Variants in OSBPL10 observed in about 807,000 individuals in gnomAD.
The protein encoded by OSBPL10 is oxysterol-binding protein-related protein 10.
In OSBPL10, 49 loss-of-function variants were observed where a neutral mutation model predicts 81.7. The observed-to-expected ratio is 0.60, with a 90% CI of 0.48 to 0.76. The LOEUF (loss-of-function observed/expected upper bound fraction) is 0.76. Among genes scored for constraint, OSBPL10 ranks in the 30% least tolerant of loss-of-function variants. The pLI is 0.00. For missense variants in OSBPL10, 923 were observed against 987.8 expected, an observed-to-expected ratio of 0.93 and a Z score of 0.88; for synonymous variants, 419 against 383.6, an observed-to-expected ratio of 1.09 and a Z score of -1.08.
In OSBPL10 at chr3:31,678,087, C is replaced by CAAAAAAAA. The variant is rs1174037204; in HGVS notation, c.1726+5539_1726+5546dup. Among the ~76,000 whole-genome samples, 93 of 76,594 alleles carry CAAAAAAAA rather than the reference C, an allele frequency of 1.2e-3. 1 individual carries two copies. Among genetic ancestry groups the CAAAAAAAA allele is most frequent in the African/African-American group, 2.4e-3 (43 of 18,270 alleles). The allele number at this position is 76,594 out of a possible 152,430, so 50.2% of individuals were successfully genotyped here. A position where few individuals can be genotyped will look rare whatever the true frequency, so the allele number is the denominator to read the frequency against. ...TGGGCGACAGAGCGAGACTCCGTCT[C>CAAAAAAAA]AAAAAAAAAAAAAAAAAAAAAGACA... On this transcript the variant is annotated intron_variant, in intron 8 of 11. Coordinates refer to ENST00000396556, the MANE Select transcript of OSBPL10 (RefSeq NM_017784.5).
chr3:31,817,507 G>A (rs80345181), intron 4 of OSBPL10, among the ~76,000 whole-genome samples: 28,860 of 151,882 alleles, frequency 0.19, 2,834 homozygotes, highest in Middle Eastern at 0.23. Flanking sequence ...CTGCTCCGTG[G>A]AGCAGGAGGC....
intron 2 of OSBPL10, among the ~76,000 whole-genome samples, chr3:32,009,618 T>C (rs1699233633): frequency 6.6e-6 from 1 of 152,204 alleles, no homozygotes; most frequent in African/African-American, 2.4e-5. Flanking sequence ...TGATATTATA[T>C]ATAAAATCAG....
At chr3:31,792,860 CTGTGTGTGTGTGTGTGTGTGTGTGTGTG>C (rs6147757) in intron 4 of OSBPL10, among the ~76,000 whole-genome samples, 18 of 126,648 alleles carry the variant, frequency 1.4e-4, no homozygotes, top group Non-Finnish European at 6.5e-5. Context: ...TCTAGGCACT[CTGTGTGTGTGTGTGTGTGTGTGTGTGTG>C]TGTGTGTGTG....
chr3:31,942,732 C>T (rs764487115), intron 1 of OSBPL10, among the ~76,000 whole-genome samples: 1 of 151,908 alleles, frequency 6.6e-6, no homozygotes, highest in Non-Finnish European at 1.5e-5. Flanking sequence ...GATAAATGAA[C>T]CAAAAAGTGA....
At chr3:31,827,299 C>T (rs190691933) in intron 4 of OSBPL10, among the ~76,000 whole-genome samples, 32 of 151,058 alleles carry the variant, frequency 2.1e-4, no homozygotes, top group African/African-American at 6.4e-4. Context: ...AAAAACAATA[C>T]GATAAAGGAA....
At position 31,776,402 on chromosome 3, in the gene OSBPL10, T is replaced by G. The variant is rs138333321; in HGVS notation, c.730-28282A>C. On this transcript the variant is annotated intron_variant, in intron 4 of 11. Coordinates refer to ENST00000396556, the MANE Select transcript of OSBPL10 (RefSeq NM_017784.5). ...GGCACAGCTTGCTACGAAAAACAGTTGGGCAGTTCCTCAAAAAGTTAAACA... is the reference window on the plus strand; with the variant it reads ...GGCACAGCTTGCTACGAAAAACAGTGGGGCAGTTCCTCAAAAAGTTAAACA... 1.7e-3 allele frequency among the ~76,000 whole-genome samples: 254 copies of G among 152,292 alleles called. 3 individuals carry two copies. Among genetic ancestry groups the G allele is most frequent in the African/African-American group, 5.3e-3 (220 of 41,568 alleles).
intron 4 of OSBPL10, among the ~76,000 whole-genome samples, chr3:31,754,207 CA>C (rs527742074): frequency 6.7e-4 from 102 of 152,270 alleles, no homozygotes; most frequent in African/African-American, 2.4e-3. Flanking sequence ...CCCCTGGGGA[CA>C]CTGCTCCTCA....
intron 4 of OSBPL10, among the ~76,000 whole-genome samples, chr3:31,783,019 A>G (rs1196483718): frequency 6.6e-6 from 1 of 151,584 alleles, no homozygotes. Flanking sequence ...TTGCAATTGC[A>G]AAAATATGGA....
At chr3:31,820,729 A>G (rs1440995011) in intron 4 of OSBPL10, among the ~76,000 whole-genome samples, 1 of 152,206 alleles carries the variant, frequency 6.6e-6, no homozygotes, top group Non-Finnish European at 1.5e-5. Context: ...TAAGTGTACA[A>G]TGCAGTTGGC....
At chr3:31,704,034 A>T (rs569075832) in intron 6 of OSBPL10, 4 of 152,396 alleles carry the variant, frequency 2.6e-5, no homozygotes, top group African/African-American at 9.6e-5. Flanking sequence ...GGGTAGAAGC[A>T]CACAGGAGCC....
intron 3 of OSBPL10, among the ~76,000 whole-genome samples, chr3:31,855,590 C>G (rs1050389656): frequency 6.6e-6 from 1 of 152,148 alleles, no homozygotes. Context: ...GGGTCCAGTA[C>G]TATATCCTAG....
At chr3:32,004,567 G>A (rs954147272) in intron 2 of OSBPL10, among the ~76,000 whole-genome samples, 1 of 152,196 alleles carries the variant, frequency 6.6e-6, no homozygotes, top group African/African-American at 2.4e-5. Flanking sequence ...CTTGTTTCCA[G>A]GCATCACATT....
At chr3:31,965,871 TTA>T (rs1698379418) in intron 1 of OSBPL10, among the ~76,000 whole-genome samples, 1 of 89,028 alleles carries the variant, frequency 1.1e-5, no homozygotes, top group Non-Finnish European at 1.9e-5. Flanking sequence ...ATAATACATA[TTA>T]TATAAAATAG....
intron 4 of OSBPL10, among the ~76,000 whole-genome samples, chr3:31,754,964 T>C (rs76158866): frequency 0.026 from 4,003 of 152,286 alleles, 73 homozygotes; most frequent in Middle Eastern, 0.048. Context: ...GGAAGTCTCA[T>C]GTTTAAGTTT....
intron 1 of OSBPL10, among the ~76,000 whole-genome samples, chr3:31,975,323 T>C (rs368955981): frequency 3.3e-5 from 5 of 152,168 alleles, no homozygotes; most frequent in African/African-American, 9.7e-5. Flanking sequence ...CGGACAAGAA[T>C]ACAAAACCCA....
chr3:31,901,481 G>C (rs1158733324), intron 1 of OSBPL10, among the ~76,000 whole-genome samples: 1 of 152,070 alleles, frequency 6.6e-6, no homozygotes, highest in African/African-American at 2.4e-5. Context: ...CCCTACTCTT[G>C]GTCTGGCTAC....
At chr3:31,856,252 GAC>G (rs1700911065) in intron 3 of OSBPL10, among the ~76,000 whole-genome samples, 1 of 151,866 alleles carries the variant, frequency 6.6e-6, no homozygotes, top group Admixed American at 6.6e-5. Context: ...ACTTTATTAA[GAC>G]AATTAAAAAA....
intron 3 of OSBPL10, among the ~76,000 whole-genome samples, chr3:31,845,545 A>G (rs1700607980): frequency 6.6e-6 from 1 of 152,220 alleles, no homozygotes; most frequent in Admixed American, 6.5e-5. Flanking sequence ...AAGTTAAACT[A>G]ATGAATTCTA....
intron 1 of OSBPL10, among the ~76,000 whole-genome samples, chr3:31,936,447 C>A (rs1697381990): frequency 3.3e-5 from 5 of 152,142 alleles, no homozygotes; most frequent in Admixed American, 3.3e-4. Flanking sequence ...AGGGAAAAAT[C>A]AAAACATAAT....
Sources: allele counts gnomAD v4.1 joint callset (sites outside exome capture counted in the v4.1 genomes callset), GRCh38; gene constraint gnomAD v4.1.1; transcripts MANE v1.5; gene names NCBI Gene and HGNC (gene_info 2026-07-23, HGNC 2026-07-21).